Variants in CSGALNACT1 observed in about 807,000 individuals in gnomAD.
The protein encoded by CSGALNACT1 is beta4GalNAcT-1.
Under a neutral mutation model 51.0 loss-of-function variants are expected in CSGALNACT1, and 52 were observed. The ratio of observed to expected loss-of-function variants is 1.02; its 90% CI spans 0.82 to 1.29. CSGALNACT1 has a LOEUF of 1.29. CSGALNACT1 is among the 50% of genes most tolerant of loss of function. The pLI is 0.00. For missense variants in CSGALNACT1, 935 were observed against 679.2 expected (o/e 1.38, Z -4.19); for synonymous variants, 341 against 254.4 (o/e 1.34, Z -3.24).
intron 4 of CSGALNACT1, among the ~76,000 whole-genome samples, chr8:19,482,453 C>T (rs2071674388): frequency 6.6e-6 from 1 of 152,116 alleles, no homozygotes; most frequent in African/African-American, 2.4e-5. Flanking sequence ...TCTCCCCAAT[C>T]CAGGCCAGCA....
intron 4 of CSGALNACT1, 104 bp downstream of exon 3, chr8:19,505,097 A>G: frequency 7.7e-7 from 1 of 1,304,268 alleles, no homozygotes; most frequent in African/African-American, 1.4e-5. Context: ...TCCGCCAGCC[A>G]TCCCAGAGCC....
At chr8:19,442,173 G>A (rs913326482) in intron 5 of CSGALNACT1, among the ~76,000 whole-genome samples, 5 of 152,152 alleles carry the variant, frequency 3.3e-5, no homozygotes, top group Admixed American at 2.6e-4. Context: ...ATTCCTCAGG[G>A]ATCTAGAACT....
At chr8:19,506,128 G>A (rs1170387376) in exon 4 of CSGALNACT1, 1 of 606,838 alleles carries the variant, frequency 1.6e-6, no homozygotes, top group South Asian at 1.5e-5. Context: ...AGCAAGAGGG[G>A]ACCTGGGAAG....
intron 1 of CSGALNACT1, among the ~76,000 whole-genome samples, chr8:19,705,736 C>CA (rs539744610): frequency 1.8e-4 from 27 of 148,236 alleles, no homozygotes; most frequent in African/African-American, 6.5e-4. Context: ...GACCCAGTCT[C>CA]AAAAAAAAAT....
chr8:19,711,266 A>G (rs1052730962), intron 1 of CSGALNACT1, among the ~76,000 whole-genome samples: 3 of 152,156 alleles, frequency 2.0e-5, no homozygotes, highest in African/African-American at 7.2e-5. Flanking sequence ...TAAAACCGAT[A>G]TTTTTATCCT....
chr8:19,733,867 A>G (rs2063822246), intron 1 of CSGALNACT1, among the ~76,000 whole-genome samples: 1 of 152,118 alleles, frequency 6.6e-6, no homozygotes, highest in Non-Finnish European at 1.5e-5. Flanking sequence ...CCATCCCTGA[A>G]TACTGAAAAG....
intron 5 of CSGALNACT1, among the ~76,000 whole-genome samples, chr8:19,451,652 C>A (rs552172271): frequency 6.6e-6 from 1 of 152,164 alleles, no homozygotes; most frequent in African/African-American, 2.4e-5. Flanking sequence ...TCCCCAAGAC[C>A]GCTTTGTGCC....
intron 3 of CSGALNACT1, among the ~76,000 whole-genome samples, chr8:19,542,178 AAAG>A (rs527360013): frequency 1.3e-3 from 193 of 148,246 alleles, no homozygotes; most frequent in African/African-American, 4.3e-3. Context: ...AGTACTAAAG[AAAG>A]AAGAGAGACA....
chr8:19,483,981 AT>A (rs1196928356), intron 4 of CSGALNACT1, among the ~76,000 whole-genome samples: 1 of 152,190 alleles, frequency 6.6e-6, no homozygotes, highest in Non-Finnish European at 1.5e-5. Flanking sequence ...AATTCCAGAA[AT>A]AAACAGTCCA....
intron 1 of CSGALNACT1, among the ~76,000 whole-genome samples, chr8:19,636,220 G>T (rs528656444): frequency 6.6e-6 from 1 of 152,136 alleles, no homozygotes; most frequent in African/African-American, 2.4e-5. Flanking sequence ...TCAGTTTCAC[G>T]TAACTTTTAT....
chr8:19,448,633 G>A (rs551931568), intron 5 of CSGALNACT1, among the ~76,000 whole-genome samples: 1 of 152,102 alleles, frequency 6.6e-6, no homozygotes, highest in East Asian at 1.9e-4. Context: ...GGAGGAGGGG[G>A]ATCCAGGCTG....
chr8:19,471,352 C>T (rs2068122560), intron 4 of CSGALNACT1, among the ~76,000 whole-genome samples: 1 of 151,996 alleles, frequency 6.6e-6, no homozygotes, highest in Non-Finnish European at 1.5e-5. Flanking sequence ...TTAAAGGTCT[C>T]CCTCCCTCCT....
chr8:19,409,233 G>A (rs2055077471), intron 8 of CSGALNACT1, among the ~76,000 whole-genome samples: 1 of 152,186 alleles, frequency 6.6e-6, no homozygotes, highest in South Asian at 2.1e-4. Flanking sequence ...ACTTCAGTAT[G>A]TTACCAGCTC....
chr8:19,578,063 C>T (rs1432090476), intron 3 of CSGALNACT1, among the ~76,000 whole-genome samples: 1 of 152,202 alleles, frequency 6.6e-6, no homozygotes, highest in Non-Finnish European at 1.5e-5. Flanking sequence ...AGCAGATGGG[C>T]TGGAACATGT....
intron 3 of CSGALNACT1, among the ~76,000 whole-genome samples, chr8:19,540,242 G>A (rs2084777592): frequency 6.6e-6 from 1 of 152,156 alleles, no homozygotes; most frequent in Non-Finnish European, 1.5e-5. Flanking sequence ...GTCCTATCCA[G>A]TTAATTATGC....
Position 19,450,008 on chromosome 8 carries a change from G to T in CSGALNACT1, c.851+8418C>A, listed in dbSNP as rs1461000476. 3.5e-5 allele frequency among the ~76,000 whole-genome samples: 5 copies of T among 141,152 alleles called. No individual in the cohort carries two copies. In the Admixed American group the frequency reaches 3.8e-4, roughly 11 times the overall value. 92.6% of individuals were successfully genotyped at this position (141,152 alleles called of 152,430 possible). On this transcript the variant is annotated intron_variant, in intron 5 of 9. Coordinates refer to ENST00000454498, the Ensembl canonical transcript of CSGALNACT1. ...AATATGGAAGGTAAGAAACAAAGCAGCCGAAAACCAAATTTGAGAATAGTT... is the reference window on the plus strand; with the variant it reads ...AATATGGAAGGTAAGAAACAAAGCATCCGAAAACCAAATTTGAGAATAGTT...
rs1203563525 is a variant in CSGALNACT1 at position 19,757,727 on chromosome 8, C to T, written c.-297+123G>A. 1 of 152,710 alleles carries T rather than the reference C, an allele frequency of 6.5e-6. No homozygotes were observed. Among genetic ancestry groups the T allele is most frequent in the Non-Finnish European group, 1.5e-5 (1 of 68,444 alleles). The allele number at this position is 152,710 out of a possible 1,614,324, so 9.5% of individuals were successfully genotyped here. A position where few individuals can be genotyped will look rare whatever the true frequency, so the allele number is the denominator to read the frequency against. On this transcript the variant is annotated intron_variant, in intron 1 of 1. Transcript: ENST00000517494. The surrounding 1 kb of genome is among the most constrained non-coding windows in gnomAD (Gnocchi z 4.0). ...CCGCTCTGTTCCCTTGGCTGCCCTC[C>T]CCGCCGAGCGCCGACTTCCATGCAA... is the stretch of plus-strand genomic sequence containing the variant.
At chr8:19,553,735 G>A (rs1038987386) in intron 3 of CSGALNACT1, among the ~76,000 whole-genome samples, 1 of 150,176 alleles carries the variant, frequency 6.7e-6, no homozygotes, top group African/African-American at 2.5e-5. Context: ...AAATTTCAAT[G>A]TAAAAGAGAA....
At chr8:19,632,162 C>G (rs1027896982) in intron 1 of CSGALNACT1, among the ~76,000 whole-genome samples, 3 of 152,222 alleles carry the variant, frequency 2.0e-5, no homozygotes, top group Non-Finnish European at 4.4e-5. Flanking sequence ...AGAAATCACC[C>G]AATTTCACAT....
Sources: allele counts gnomAD v4.1 joint callset (sites outside exome capture counted in the v4.1 genomes callset), GRCh38; gene constraint gnomAD v4.1.1; non-coding constraint Gnocchi (gnomAD v3.1); transcripts MANE v1.5; gene names NCBI Gene and HGNC (gene_info 2026-07-23, HGNC 2026-07-21).